XG: variants seen among roughly 807,000 people sequenced by gnomAD.
The protein encoded by XG is Xg glycoprotein (Xg blood group).
XG carries 24 observed loss-of-function variants against 25.7 expected under a neutral mutation model. The ratio of observed to expected loss-of-function variants is 0.93; its 90% CI spans 0.68 to 1.31. The LOEUF is 1.31. XG is among the 40% of genes most tolerant of loss of function. The probability of loss-of-function intolerance (pLI) is 0.00; values close to 1 mark genes in which losing one functional copy is unlikely to be tolerated. For missense variants in XG, 181 were observed against 187.6 expected (o/e 0.96, Z 0.21); for synonymous variants, 77 against 69.2 (o/e 1.11, Z -0.56).
intron 1 of XG, among the ~76,000 whole-genome samples, chrX:2,770,036 T>TGGG (rs1556363415): frequency 2.3e-5 from 1 of 43,330 alleles, no homozygotes; most frequent in African/African-American, 8.6e-5. Context: ...GGGGGGGCGT[T>TGGG]GGGGGGCGGG....
chrX:2,807,450 GTT>G (rs748284639), intron 8 of XG, among the ~76,000 whole-genome samples: 112 of 111,392 alleles, frequency 1.0e-3, no homozygotes, highest in African/African-American at 3.5e-3. Flanking sequence ...ACATGAATGT[GTT>G]TGTGTGTGCA....
At chrX:2,775,609 T>G (rs1053895078) in intron 3 of XG, among the ~76,000 whole-genome samples, 1 of 152,196 alleles carries the variant, frequency 6.6e-6, no homozygotes, top group Non-Finnish European at 1.5e-5. Context: ...CACTTTTAAA[T>G]GGTTAATTAT....
chrX:2,759,598 G>A (rs2050517811), intron 1 of XG, among the ~76,000 whole-genome samples: 1 of 152,160 alleles, frequency 6.6e-6, no homozygotes, highest in East Asian at 1.9e-4. Flanking sequence ...TGCAGAAAAA[G>A]TCTATGGCTG....
At chrX:2,754,808 G>A (rs2050400326) in intron 1 of XG, among the ~76,000 whole-genome samples, 1 of 152,164 alleles carries the variant, frequency 6.6e-6, no homozygotes, top group Non-Finnish European at 1.5e-5. Context: ...ATTAGATGGT[G>A]CCCACCCAAA....
chrX:2,780,994 G>C (rs1221214633), intron 3 of XG, among the ~76,000 whole-genome samples: 5 of 152,084 alleles, frequency 3.3e-5, no homozygotes, highest in Admixed American at 1.3e-4. Context: ...TAGTGACTTG[G>C]GGGTCCCGAG....
chrX:2,780,425 T>TAAAA (rs751220927), intron 3 of XG, among the ~76,000 whole-genome samples: 4 of 126,664 alleles, frequency 3.2e-5, no homozygotes, highest in Non-Finnish European at 3.2e-5. Flanking sequence ...TTTTTTTTTC[T>TAAAA]AAAAAAAAAA....
chrX:2,806,871 T>C, intron 8 of XG, 126 bp downstream of exon 8: 1 of 557,490 alleles, frequency 1.8e-6, no homozygotes, highest in Non-Finnish European at 2.7e-6. Context: ...GCCGTTCGAG[T>C]CTCTCATTTG....
chrX:2,768,563 T>C (rs2050749063), intron 1 of XG, among the ~76,000 whole-genome samples: 1 of 151,966 alleles, frequency 6.6e-6, no homozygotes, highest in African/African-American at 2.4e-5. Context: ...AGGTCAGGAG[T>C]TCGAGACCAG....
intron 1 of XG, among the ~76,000 whole-genome samples, chrX:2,767,338 C>G (rs1281210006): frequency 2.0e-5 from 3 of 152,032 alleles, no homozygotes; most frequent in Admixed American, 2.0e-4. Flanking sequence ...TCGGCCCACC[C>G]ATCCACCAAC....
At chrX:2,780,797 G>C (rs2051103807) in intron 3 of XG, among the ~76,000 whole-genome samples, 1 of 152,162 alleles carries the variant, frequency 6.6e-6, no homozygotes, top group Admixed American at 6.5e-5. Context: ...ACTGGAAGCA[G>C]GGAGAGGGTT....
chrX:2,791,805 A>G (rs1465023264), intron 5 of XG, among the ~76,000 whole-genome samples: 9 of 110,288 alleles, frequency 8.2e-5, no homozygotes, highest in Non-Finnish European at 9.4e-5. Flanking sequence ...ACAGGCAAAC[A>G]GCTGGATTCA....
intron 1 of XG, among the ~76,000 whole-genome samples, chrX:2,767,537 G>A (rs1214448972): frequency 2.0e-5 from 3 of 152,096 alleles, no homozygotes; most frequent in African/African-American, 2.4e-5. Flanking sequence ...TTCCTGCCCC[G>A]TCTTATGTTC....
chrX:2,774,627 C>A, intron 2 of XG, 89 bp from the exon 3 acceptor site: 1 of 1,433,110 alleles, frequency 7.0e-7, no homozygotes, highest in Non-Finnish European at 9.8e-7. Flanking sequence ...ACTCCCTTTT[C>A]ACCTTTCATC....
At chrX:2,811,481 T>C (rs761603944) in intron 10 of XG, 29 bp downstream of exon 10, 1 of 1,083,941 alleles carries the variant, frequency 9.2e-7, no homozygotes, top group Non-Finnish European at 1.2e-6. Flanking sequence ...ATTGTTTTGC[T>C]TGTTACTAAG....
chrX:2,777,456 TGTG>T (rs1047166581), intron 3 of XG, among the ~76,000 whole-genome samples: 46 of 152,126 alleles, frequency 3.0e-4, no homozygotes, highest in Non-Finnish European at 5.9e-5. Flanking sequence ...AGCCAAGTGT[TGTG>T]GTGAATGCCT....
At chrX:2,773,533 GAGAAGGAAGGAA>G (rs2050885733) in intron 2 of XG, among the ~76,000 whole-genome samples, 2 of 126,306 alleles carry the variant, frequency 1.6e-5, no homozygotes, top group African/African-American at 6.0e-5. Flanking sequence ...GAAGGAAGGA[GAGAAGGAAGGAA>G]GGAGAGAAGG....
chrX:2,774,686 A>G (rs769999845), intron 2 of XG, 30 bp from the exon 3 acceptor site: 10 of 1,613,012 alleles, frequency 6.2e-6, no homozygotes, highest in East Asian at 2.2e-5. Flanking sequence ...TTCAATGCAT[A>G]TTGCATTTAT....
chrX:2,771,667 C>T (rs2050822539), intron 2 of XG, among the ~76,000 whole-genome samples: 1 of 152,118 alleles, frequency 6.6e-6, no homozygotes, highest in Non-Finnish European at 1.5e-5. Flanking sequence ...AGGAAGAATC[C>T]ATTGGGCTTT....
At chrX:2,758,044 C>G (rs148708877) in intron 1 of XG, among the ~76,000 whole-genome samples, 6,352 of 150,826 alleles carry the variant, frequency 0.042, 143 homozygotes, top group Middle Eastern at 0.1. Context: ...CCATACCACG[C>G]CAGCGTACAG....
Sources: gnomAD v4.1 joint callset for allele counts (sites outside exome capture counted in the v4.1 genomes callset) on GRCh38, gnomAD v4.1.1 for gene constraint, MANE v1.5 for transcripts, NCBI Gene and HGNC (gene_info 2026-07-23, HGNC 2026-07-21) for gene names.